PCSK5: variants seen among roughly 807,000 people sequenced by gnomAD.
PCSK5 encodes proprotein convertase subtilisin/kexin type 5.
Under a neutral mutation model 233.2 loss-of-function variants are expected in PCSK5, and 129 were observed. The ratio of observed to expected loss-of-function variants is 0.55; its 90% CI spans 0.48 to 0.64. PCSK5 has a LOEUF of 0.64. PCSK5 is among the 30% of genes least tolerant of loss of function. The pLI, the probability that PCSK5 is intolerant of heterozygous loss-of-function variation, is 0.00. For missense variants in PCSK5, 2,076 were observed against 2,430.1 expected, an observed-to-expected ratio of 0.85 and a Z score of 3.06; for synonymous variants, 825 against 879.2, an observed-to-expected ratio of 0.94 and a Z score of 1.09.
At chr9:76,317,981 C>G (rs886775898) in intron 30 of PCSK5, among the ~76,000 whole-genome samples, 5 of 152,042 alleles carry the variant, frequency 3.3e-5, no homozygotes, top group African/African-American at 4.8e-5. Flanking sequence ...TGGTTTGTGG[C>G]ACAGCAATAT....
intron 7 of PCSK5, among the ~76,000 whole-genome samples, chr9:76,080,399 A>G (rs1830792780): frequency 6.6e-6 from 1 of 151,982 alleles, no homozygotes; most frequent in Admixed American, 6.6e-5. Context: ...TACTGATCTC[A>G]TTGTCTCTTC....
At chr9:76,099,442 C>T (rs1052573916) in intron 8 of PCSK5, among the ~76,000 whole-genome samples, 1 of 152,182 alleles carries the variant, frequency 6.6e-6, no homozygotes, top group Non-Finnish European at 1.5e-5. Context: ...CGCCTAAGCT[C>T]CTGTAGCTTT....
At chr9:75,950,976 C>CACAA (rs1824828607) in intron 2 of PCSK5, among the ~76,000 whole-genome samples, 1 of 152,158 alleles carries the variant, frequency 6.6e-6, no homozygotes, top group Admixed American at 6.5e-5. Context: ...GCAAAGCAAC[C>CACAA]ATTGAAAGAT....
intron 20 of PCSK5, among the ~76,000 whole-genome samples, chr9:76,192,086 AAG>A (rs1824416633): frequency 6.6e-6 from 1 of 151,596 alleles, no homozygotes; most frequent in Non-Finnish European, 1.5e-5. Flanking sequence ...AAAAAAAAAA[AAG>A]AAGTGATGAT....
intron 9 of PCSK5, among the ~76,000 whole-genome samples, chr9:76,132,003 G>A (rs1198566716): frequency 2.6e-5 from 4 of 152,052 alleles, no homozygotes; most frequent in Non-Finnish European, 4.4e-5. Flanking sequence ...GGAGGATTCT[G>A]CTTTACCATA....
At chr9:76,183,377 A>G (rs1200725719) in intron 16 of PCSK5, among the ~76,000 whole-genome samples, 2 of 151,496 alleles carry the variant, frequency 1.3e-5, no homozygotes, top group Non-Finnish European at 2.9e-5. Context: ...TATGTACAAC[A>G]TGATGATCAC....
chr9:76,189,006 A>G (rs1170181831), intron 18 of PCSK5, 88 bp from the exon 19 acceptor site: 1 of 1,153,410 alleles, frequency 8.7e-7, no homozygotes, highest in Non-Finnish European at 1.2e-6. Context: ...CTTTGACGCC[A>G]TTTTCTCAAA....
At position 76,358,490 on chromosome 9, in the gene PCSK5, C is replaced by T. The variant is rs778086036; in HGVS notation, c.5255-23C>T. 5.0e-6 allele frequency: 8 copies of T among 1,590,630 alleles called. No individual in the cohort carries two copies. The South Asian group carries it at 7.8e-5, about 15-fold the overall frequency. ...TTTCACTTTTTCCCTCTTGCCTCTT[C>T]CTTTGAGGTCTTCTTCCAACAGACG... On this transcript the variant is annotated intron_variant, in intron 37 of 37. Coordinates refer to ENST00000674117, the MANE Select transcript of PCSK5 (RefSeq NM_001372043.1).
At chr9:76,288,855 C>T (rs1162519800) in intron 24 of PCSK5, among the ~76,000 whole-genome samples, 1 of 152,192 alleles carries the variant, frequency 6.6e-6, no homozygotes, top group Non-Finnish European at 1.5e-5. Context: ...ATCTCCTTTC[C>T]AATACATCTT....
At chr9:76,200,562 C>T (rs1429684962) in intron 20 of PCSK5, among the ~76,000 whole-genome samples, 1 of 152,120 alleles carries the variant, frequency 6.6e-6, no homozygotes, top group Non-Finnish European at 1.5e-5. Context: ...ACATGCCTTG[C>T]TTAAGAAATA....
intron 3 of PCSK5, among the ~76,000 whole-genome samples, chr9:75,986,623 C>G (rs569857605): frequency 6.6e-6 from 1 of 152,304 alleles, no homozygotes; most frequent in Admixed American, 6.5e-5. Flanking sequence ...ACTAGTCTAG[C>G]TAATGCACAC....
intron 24 of PCSK5, among the ~76,000 whole-genome samples, chr9:76,257,112 A>C (rs750584597): frequency 2.0e-5 from 3 of 152,158 alleles, no homozygotes; most frequent in Non-Finnish European, 4.4e-5. Flanking sequence ...CATGTCTGAC[A>C]TGCACCACTG....
chr9:76,189,533 A>G (rs1824264210), intron 19 of PCSK5, 98 bp from the exon 20 acceptor site: 5 of 764,194 alleles, frequency 6.5e-6, no homozygotes, highest in Non-Finnish European at 1.1e-5. Flanking sequence ...TAATCTTCAG[A>G]GGGATAATTA....
intron 36 of PCSK5, among the ~76,000 whole-genome samples, chr9:76,352,889 A>AC (rs989562314): frequency 2.9e-3 from 78 of 26,450 alleles, no homozygotes; most frequent in African/African-American, 5.6e-3. Flanking sequence ...CAAAAAATAC[A>AC]AAAAAAAAAA....
At position 76,112,182 on chromosome 9, in the gene PCSK5, A is replaced by G. The variant is rs187535327; in HGVS notation, c.1208+4831A>G. ...AAAATTGAAGAATATATGTTCAGTA[A>G]TCAAGAAATGTTACACTATACAGTG... is the stretch of plus-strand genomic sequence containing the variant. On this transcript the variant is annotated intron_variant, in intron 9 of 37. Transcript: ENST00000674117. Among the ~76,000 whole-genome samples, 7 of 152,352 alleles carry G rather than the reference A, an allele frequency of 4.6e-5. No individual in the cohort carries two copies. In the East Asian group the frequency reaches 1.3e-3, roughly 29 times the overall value.
intron 5 of PCSK5, among the ~76,000 whole-genome samples, chr9:76,045,940 G>T (rs927380614): frequency 6.6e-6 from 1 of 151,940 alleles, no homozygotes; most frequent in African/African-American, 2.4e-5. Flanking sequence ...TGCCATAAGG[G>T]TTTTCCATTT....
At chr9:75,975,049 A>C (rs777881663) in intron 2 of PCSK5, among the ~76,000 whole-genome samples, 54 of 152,364 alleles carry the variant, frequency 3.5e-4, no homozygotes, top group Middle Eastern at 3.4e-3. Flanking sequence ...GATGCTGGAA[A>C]GATTTAAAAA....
chr9:76,134,860 A>G (rs1278629172), intron 10 of PCSK5, among the ~76,000 whole-genome samples: 1 of 152,066 alleles, frequency 6.6e-6, no homozygotes, highest in East Asian at 1.9e-4. Context: ...GTCATAGGTA[A>G]TATATGTTAT....
Position 75,891,083 on chromosome 9 carries a change from G to GGCTGCGAGCTGCGGCGGCCCGGC in PCSK5, c.-94_-93insGAGCTGCGGCGGCCCGGCGCTGC. ...GGGGCTGCGAGCTGCGGCGGCCCGG[G>GGCTGCGAGCTGCGGCGGCCCGGC]GCTGCTCGCCGGGCGGCGCAGGCCG... On this transcript the variant is annotated 5_prime_UTR_variant, in exon 1 of 38. Coordinates refer to ENST00000674117, the MANE Select transcript of PCSK5 (RefSeq NM_001372043.1). 1 of 1,157,180 alleles carries GGCTGCGAGCTGCGGCGGCCCGGC rather than the reference G, an allele frequency of 8.6e-7. No homozygotes were observed. Among genetic ancestry groups the GGCTGCGAGCTGCGGCGGCCCGGC allele is most frequent in the Non-Finnish European group, 1.1e-6 (1 of 887,600 alleles). 71.7% of individuals were successfully genotyped at this position (1,157,180 alleles called of 1,614,324 possible). A position where few individuals can be genotyped will look rare whatever the true frequency, so the allele number is the denominator to read the frequency against.
Sources: gnomAD v4.1 joint callset for allele counts (sites outside exome capture counted in the v4.1 genomes callset) on GRCh38, gnomAD v4.1.1 for gene constraint, MANE v1.5 for transcripts, NCBI Gene and HGNC (gene_info 2026-07-23, HGNC 2026-07-21) for gene names.